Variants in PCDHGC4 observed in about 807,000 individuals in gnomAD.
PCDHGC4 encodes the protein protocadherin gamma-C4.
PCDHGC4 carries 15 observed loss-of-function variants against 59.7 expected under a neutral mutation model. The ratio of observed to expected loss-of-function variants is 0.25; its 90% CI spans 0.17 to 0.39. PCDHGC4 has a LOEUF of 0.39. Among genes scored for constraint, PCDHGC4 ranks in the 10% least tolerant of loss-of-function variants. The pLI, the probability that PCDHGC4 is intolerant of heterozygous loss-of-function variation, is 1.00. For missense variants in PCDHGC4, 1,016 were observed against 1,189.5 expected, an observed-to-expected ratio of 0.85 and a Z score of 2.15; for synonymous variants, 434 against 481.4, an observed-to-expected ratio of 0.90 and a Z score of 1.29.
At position 141,511,216 on chromosome 5, in the gene PCDHGC4, C is replaced by G. The variant is rs374915167; in HGVS notation, c.*43C>G. Reference sequence around the variant, plus strand: ...GAGCCACAGGGCGGCCTCTCCCCAACCAGCCCAGCTTCTCCTTACCTGCAC... The same window carrying G: ...GAGCCACAGGGCGGCCTCTCCCCAAGCAGCCCAGCTTCTCCTTACCTGCAC... On this transcript the variant is annotated 3_prime_UTR_variant, in exon 4 of 4. Coordinates refer to ENST00000306593, the MANE Select transcript of PCDHGC4 (RefSeq NM_018928.3). 4.2e-5 allele frequency: 68 copies of G among 1,608,004 alleles called. No individual in the cohort carries two copies. The highest frequency in any genetic ancestry group is 6.7e-5 in the East Asian group (3 of 44,538).
Position 141,490,102 on chromosome 5 carries a change from G to A in PCDHGC4, c.2442+2487G>A, listed in dbSNP as rs377649214. On this transcript the variant is annotated intron_variant, in intron 1 of 3. Coordinates refer to ENST00000306593, the MANE Select transcript of PCDHGC4 (RefSeq NM_018928.3). The surrounding 1 kb of genome is among the most constrained non-coding windows in gnomAD (Gnocchi z 5.4). ...TTCTTTTGGAGACCACACATCTGAG[G>A]CAGTGCGGAACCTCTTTGGCCTAGA... 4.3e-6 allele frequency: 7 copies of A among 1,614,144 alleles called. No homozygotes were observed. The African/African-American group carries it at 9.3e-5, about 22-fold the overall frequency.
Position 141,489,601 on chromosome 5 carries a change from G to A in PCDHGC4, c.2442+1986G>A. On this transcript the variant is annotated intron_variant, in intron 1 of 3. Transcript: ENST00000306593. This position sits in a 1 kb window ranked among gnomAD's most constrained non-coding sequence, Gnocchi z 4.5. ...CCCCCTGGAGCTAATCCGTGTAGAG[G>A]TAGAGATCCTGGATCTCAATGACAA... 2 of 1,614,042 alleles carry A rather than the reference G, an allele frequency of 1.2e-6. No individual in the cohort carries two copies. Among genetic ancestry groups the A allele is most frequent in the East Asian group, 4.5e-5 (2 of 44,882 alleles).
chr5:141,500,309 C>T (rs777434466), intron 2 of PCDHGC4, among the ~76,000 whole-genome samples: 2 of 151,602 alleles, frequency 1.3e-5, no homozygotes, highest in Non-Finnish European at 2.9e-5. Flanking sequence ...CCCAGGTTCA[C>T]GCCATGCTCC....
chr5:141,498,197 A>C (rs1191884415), intron 2 of PCDHGC4, among the ~76,000 whole-genome samples: 1 of 152,246 alleles, frequency 6.6e-6, no homozygotes. Flanking sequence ...AACCAGCTAA[A>C]GAAAAGAAGG....
chr5:141,497,473 AGGT>A (rs2099776769), intron 2 of PCDHGC4, among the ~76,000 whole-genome samples: 1 of 151,750 alleles, frequency 6.6e-6, no homozygotes. Flanking sequence ...ATGGAGGAGA[AGGT>A]GCGGAACCTC....
Position 141,486,178 on chromosome 5 carries a change from C to T in PCDHGC4, c.1005C>T (p.Ser335=), listed in dbSNP as rs767840363. The T allele has an allele frequency of 1.1e-5, 17 of 1,614,076 alleles. No homozygotes were observed. The highest frequency in any genetic ancestry group is 1.4e-5 in the Non-Finnish European group (16 of 1,180,038). ...CTCCAGCCATGGAGCAACATTGCAG[C>T]CTTCGAGTGGATCTGCTGGACGTAA... ...GGSPAMEQHC[S]LRVDLLDVND... Residue 335 remains serine, a synonymous_variant, in exon 1 of 4, where the codon AGC becomes AGT. Coordinates refer to ENST00000306593, the MANE Select transcript of PCDHGC4 (RefSeq NM_018928.3). The surrounding 1 kb of genome is among the most constrained non-coding windows in gnomAD (Gnocchi z 5.0).
rs182936964 is a variant in PCDHGC4, at chr5:141,502,069, T to C, written c.2502-3324T>C. 1.1e-3 allele frequency among the ~76,000 whole-genome samples: 175 copies of C among 152,186 alleles called. 1 individual carries two copies. Among genetic ancestry groups the C allele is most frequent in the African/African-American group, 3.9e-3 (162 of 41,524 alleles). ...CCCTACTTTATTCCCATTAGCCCCC[T>C]TCACCTGGGGCTGAGAACACCTGGC... On this transcript the variant is annotated intron_variant, in intron 2 of 3. Coordinates refer to ENST00000306593, the MANE Select transcript of PCDHGC4 (RefSeq NM_018928.3).
At position 141,490,207 on chromosome 5, in the gene PCDHGC4, C is replaced by G. The variant is rs142098675; in HGVS notation, c.2442+2592C>G. ...TTTCTATGAAATTCATGCAAGAGCC[C>G]GTGACCAGGGACAGCCTGCCATGGA... On this transcript the variant is annotated intron_variant, in intron 1 of 3. Coordinates refer to ENST00000306593, the MANE Select transcript of PCDHGC4 (RefSeq NM_018928.3). This position sits in a 1 kb window ranked among gnomAD's most constrained non-coding sequence, Gnocchi z 5.4. 2.9e-4 allele frequency: 470 copies of G among 1,614,056 alleles called. 1 individual carries two copies. Among genetic ancestry groups the G allele is most frequent in the Non-Finnish European group, 3.7e-4 (439 of 1,180,030 alleles).
chr5:141,490,051 G>T lies in PCDHGC4; in HGVS notation c.2442+2436G>T, dbSNP rs779280988. On this transcript the variant is annotated intron_variant, in intron 1 of 3. Coordinates refer to ENST00000306593, the MANE Select transcript of PCDHGC4 (RefSeq NM_018928.3). The surrounding 1 kb of genome is among the most constrained non-coding windows in gnomAD (Gnocchi z 5.4). ...CCGCCTCAATGCCACTGATCCAGACGAGGGCACCAACGGCCAACTAGACTA... is the reference window on the plus strand; with the variant it reads ...CCGCCTCAATGCCACTGATCCAGACTAGGGCACCAACGGCCAACTAGACTA... 3 of 1,614,214 alleles carry T rather than the reference G, an allele frequency of 1.9e-6. No homozygotes were observed. The Middle Eastern group carries it at 4.9e-4, about 266-fold the overall frequency.
rs770093591 is a variant in PCDHGC4 at position 141,486,147 on chromosome 5, G to T, written c.974G>T (p.Gly325Val). ...GAATTTGATGTGCGGGCTCGCGATG[G>T]GGGTTCTCCAGCCATGGAGCAACAT... The part of the protein sequence containing the change: ...YYEFDVRARD[G>V]GSPAMEQHCS... Residue 325 changes from glycine to valine, a missense_variant, in exon 1 of 4, where the codon GGG becomes GTG. Transcript: ENST00000306593. This position sits in a 1 kb window ranked among gnomAD's most constrained non-coding sequence, Gnocchi z 5.0. The T allele has an allele frequency of 6.2e-7, 1 of 1,614,168 alleles. No individual in the cohort carries two copies. The highest frequency in any genetic ancestry group is 1.7e-5 in the Admixed American group (1 of 60,028).
intron 3 of PCDHGC4, among the ~76,000 whole-genome samples, chr5:141,507,918 G>C (rs1409126707): frequency 6.6e-6 from 1 of 152,208 alleles, no homozygotes; most frequent in Non-Finnish European, 1.5e-5. Flanking sequence ...CAGGCCTGTG[G>C]GGCTGCTGAG....
chr5:141,499,457 T>G (rs1000400491), intron 2 of PCDHGC4, among the ~76,000 whole-genome samples: 1 of 152,214 alleles, frequency 6.6e-6, no homozygotes, highest in African/African-American at 2.4e-5. Context: ...CCCATCATTT[T>G]ACAATCTAGG....
chr5:141,486,170 C>T lies in PCDHGC4; in HGVS notation c.997C>T (p.His333Tyr), dbSNP rs759946548. The part of the protein sequence containing the change: ...RDGGSPAMEQ[H>Y]CSLRVDLLDV... The stretch of plus-strand genomic sequence containing the variant: ...TGGGGGTTCTCCAGCCATGGAGCAA[C>T]ATTGCAGCCTTCGAGTGGATCTGCT... Residue 333 changes from histidine to tyrosine, a missense_variant, in exon 1 of 4, where the codon CAT (histidine) becomes TAT (tyrosine). By Grantham distance (83) the His-to-Tyr change is moderately conservative. Coordinates refer to ENST00000306593, the MANE Select transcript of PCDHGC4 (RefSeq NM_018928.3). This position sits in a 1 kb window ranked among gnomAD's most constrained non-coding sequence, Gnocchi z 5.0. The T allele has an allele frequency of 1.5e-5, 24 of 1,614,116 alleles. No individual in the cohort carries two copies. Among genetic ancestry groups the T allele is most frequent in the South Asian group, 4.4e-5 (4 of 91,090 alleles).
At chr5:141,505,505 G>A (rs2099846270) in intron 3 of PCDHGC4, 24 bp downstream of exon 3, 1 of 1,614,132 alleles carries the variant, frequency 6.2e-7, no homozygotes, top group Non-Finnish European at 8.5e-7. Flanking sequence ...GTGTGTGTAT[G>A]GAAGAGTGGG....
chr5:141,492,396 A>G (rs1400291073), intron 1 of PCDHGC4, among the ~76,000 whole-genome samples: 1 of 152,188 alleles, frequency 6.6e-6, no homozygotes, highest in Non-Finnish European at 1.5e-5. Flanking sequence ...GTCCACTCGC[A>G]GCTCCCCTCT....
chr5:141,511,359 T>C lies in PCDHGC4; in HGVS notation c.*186T>C. The stretch of plus-strand genomic sequence containing the variant: ...CACCTACCCCTTCCCCCCCAGGGGG[T>C]TGAATATGCAAAAGCAGTTCCGCTG... On this transcript the variant is annotated 3_prime_UTR_variant, in exon 4 of 4. Coordinates refer to ENST00000306593, the MANE Select transcript of PCDHGC4 (RefSeq NM_018928.3). The C allele has an allele frequency of 2.2e-6, 3 of 1,339,338 alleles. No homozygotes were observed. In the South Asian group the frequency reaches 4.6e-5, roughly 20 times the overall value. The allele number at this position is 1,339,338 out of a possible 1,614,324, so 83.0% of individuals were successfully genotyped here. A position where few individuals can be genotyped will look rare whatever the true frequency, so the allele number is the denominator to read the frequency against.
At position 141,486,761 on chromosome 5, in the gene PCDHGC4, A is replaced by G. The variant is rs1368106682; in HGVS notation, c.1588A>G (p.Thr530Ala). 1 of 1,614,114 alleles carries G rather than the reference A, an allele frequency of 6.2e-7. No homozygotes were observed. The highest frequency in any genetic ancestry group is 8.5e-7 in the Non-Finnish European group (1 of 1,180,056). ...ATCCTTTGACTATGAGCAAACCCAG[A>G]CACTGCAGTTTGAGGTGCAGGCCCG... ...TRSFDYEQTQ[T>A]LQFEVQARDR... The change falls in exon 1 of 4, where the codon ACA becomes GCA. Residue 530 changes from threonine (T) to alanine (A), a missense_variant. Transcript: ENST00000306593. The surrounding 1 kb of genome is among the most constrained non-coding windows in gnomAD (Gnocchi z 5.0).
rs949391796 is a variant in PCDHGC4 at position 141,493,050 on chromosome 5, A to G, written c.2443-1757A>G. 6.6e-6 allele frequency among the ~76,000 whole-genome samples: 1 copy of G among 152,262 alleles called. No homozygotes were observed. The highest frequency in any genetic ancestry group is 2.4e-5 in the African/African-American group (1 of 41,464). On this transcript the variant is annotated intron_variant, in intron 1 of 3. Coordinates refer to ENST00000306593, the MANE Select transcript of PCDHGC4 (RefSeq NM_018928.3). The surrounding 1 kb of genome is among the most constrained non-coding windows in gnomAD (Gnocchi z 4.3). Reference sequence around the variant, plus strand: ...CCCTTATGTGTGAGGAAACTACAATAGTAAAAAACACAAGTTTCTCCAACT... The same window carrying G: ...CCCTTATGTGTGAGGAAACTACAATGGTAAAAAACACAAGTTTCTCCAACT...
At chr5:141,502,866 C>CTTTTTTTT (rs549047197) in intron 2 of PCDHGC4, among the ~76,000 whole-genome samples, 38,988 of 127,080 alleles carry the variant, frequency 0.31, 7,978 homozygotes, top group African/African-American at 0.51. Flanking sequence ...GACTCTCTGT[C>CTTTTTTTT]TTTTTTTTTT....
Sources: gnomAD v4.1 joint callset for allele counts (sites outside exome capture counted in the v4.1 genomes callset) on GRCh38, gnomAD v4.1.1 for gene constraint, Gnocchi (gnomAD v3.1) non-coding constraint, MANE v1.5 for transcripts, NCBI Gene and HGNC (gene_info 2026-07-23, HGNC 2026-07-21) for gene names.